Variants in H1-8 observed in about 807,000 individuals in gnomAD.
The protein encoded by H1-8 is histone H1.8.
In H1-8, 13 loss-of-function variants were observed where a neutral mutation model predicts 19.5. That is an observed-to-expected ratio of 0.67 (90% CI 0.43 to 1.06). The LOEUF (loss-of-function observed/expected upper bound fraction) is 1.06. H1-8 is among the 50% of genes least tolerant of loss of function. H1-8 has a pLI of 0.00. For missense variants in H1-8, 432 were observed against 459.8 expected, an observed-to-expected ratio of 0.94 and a Z score of 0.55; for synonymous variants, 193 against 187.6, an observed-to-expected ratio of 1.03 and a Z score of -0.24.
intron 1 of H1-8, among the ~76,000 whole-genome samples, chr3:129,545,024 T>G (rs80301648): frequency 1.2e-4 from 18 of 149,352 alleles, no homozygotes; most frequent in Non-Finnish European, 1.9e-4. Flanking sequence ...AGTTTCATGG[T>G]TTTTTTTTTC....
At chr3:129,545,700 T>C (rs540117849) in intron 1 of H1-8, among the ~76,000 whole-genome samples, 1 of 152,358 alleles carries the variant, frequency 6.6e-6, no homozygotes, top group African/African-American at 2.4e-5. Context: ...TGGCTTTTTC[T>C]GACTGCCTTT....
rs34805704 is a variant in H1-8, at chr3:129,550,779, G to T, written c.777G>T (p.Glu259Asp). Residue 259 changes from glutamate to aspartate, a missense_variant, in exon 4 of 5, where the codon GAG becomes GAT. Glu to Asp is a conservative substitution (Grantham distance 45, BLOSUM62 2). Transcript: ENST00000324382. Reference sequence around the variant, plus strand: ...AGGCCTACAGGAAAACCAAAGCTGAGAGTAAGAGTTCAAAACCCACGGCCA... The same window carrying T: ...AGGCCTACAGGAAAACCAAAGCTGATAGTAAGAGTTCAAAACCCACGGCCA... ...DAEAYRKTKAESKSSKPTASK... is the reference protein window; with the variant it reads ...DAEAYRKTKADSKSSKPTASK... 51 of 1,613,962 alleles carry T rather than the reference G, an allele frequency of 3.2e-5. No homozygotes were observed. The highest frequency in any genetic ancestry group is 4.1e-5 in the Non-Finnish European group (48 of 1,179,988).
intron 2 of H1-8, chr3:129,548,602 G>C (rs536726091): frequency 2.7e-6 from 2 of 731,898 alleles, no homozygotes; most frequent in East Asian, 2.3e-4. Context: ...AAGATGAGAA[G>C]ACGTGGCTGT....
At position 129,547,425 on chromosome 3, in the gene H1-8, G is replaced by A. The variant is rs902189828; in HGVS notation, c.123G>A (p.Pro41=). ...PSHGGVPPGG[P]SHSSLPVGRR... is the part of the protein sequence containing the mutation. ...ACGGCGGTGTCCCACCAGGAGGCCC[G>A]AGCCACAGCAGCCTCCCGGTGGGAC... Residue 41 remains proline (P), a synonymous_variant, in exon 2 of 5, where the codon CCG becomes CCA. Coordinates refer to ENST00000324382, the MANE Select transcript of H1-8 (RefSeq NM_153833.3). The A allele has an allele frequency of 2.9e-6, 4 of 1,399,696 alleles. No homozygotes were observed. The highest frequency in any genetic ancestry group is 1.5e-5 in the African/African-American group (1 of 66,662). The allele number at this position is 1,399,696 out of a possible 1,614,324, so 86.7% of individuals were successfully genotyped here. A position where few individuals can be genotyped will look rare whatever the true frequency, so the allele number is the denominator to read the frequency against.
chr3:129,548,101 C>T (rs2084904048), intron 2 of H1-8, among the ~76,000 whole-genome samples: 1 of 152,232 alleles, frequency 6.6e-6, no homozygotes, highest in Non-Finnish European at 1.5e-5. Context: ...CATGCCAGGT[C>T]ACTCAGAGCT....
intron 2 of H1-8, chr3:129,548,571 C>A: frequency 1.2e-6 from 1 of 864,988 alleles, no homozygotes; most frequent in Non-Finnish European, 1.4e-6. Context: ...CGCTCACAGC[C>A]TTGGTGATTG....
chr3:129,547,191 G>A (rs1257451555), intron 1 of H1-8, among the ~76,000 whole-genome samples, 200 bp from the exon 2 acceptor site: 3 of 152,184 alleles, frequency 2.0e-5, no homozygotes, highest in Admixed American at 6.5e-5. Flanking sequence ...GAGAGACAGT[G>A]TCTCAAAGAA....
At position 129,551,358 on chromosome 3, in the gene H1-8, G is replaced by C. The variant is rs1446688951; in HGVS notation, c.*18G>C. ...AAGCTTAGGGCCAGAGGCAGGGGCGGAGAGAGACCGAGCCTCTGCCCTAGT... is the reference window on the plus strand; with the variant it reads ...AAGCTTAGGGCCAGAGGCAGGGGCGCAGAGAGACCGAGCCTCTGCCCTAGT... On this transcript the variant is annotated 3_prime_UTR_variant, in exon 5 of 5. Coordinates refer to ENST00000324382, the MANE Select transcript of H1-8 (RefSeq NM_153833.3). 2.0e-6 allele frequency: 3 copies of C among 1,515,084 alleles called. No homozygotes were observed. The Admixed American group carries it at 5.4e-5, about 27-fold the overall frequency. The allele number at this position is 1,515,084 out of a possible 1,614,324, so 93.9% of individuals were successfully genotyped here. A position where few individuals can be genotyped will look rare whatever the true frequency, so the allele number is the denominator to read the frequency against.
At chr3:129,547,975 T>C (rs912277618) in intron 2 of H1-8, among the ~76,000 whole-genome samples, 1 of 152,198 alleles carries the variant, frequency 6.6e-6, no homozygotes. Flanking sequence ...AGCCCCTTCC[T>C]GGAATTCCTC....
chr3:129,547,140 T>TA (rs1223287621), intron 1 of H1-8, among the ~76,000 whole-genome samples: 3 of 152,050 alleles, frequency 2.0e-5, no homozygotes, highest in African/African-American at 7.2e-5. Context: ...GAGGTTGCAG[T>TA]GAGCTGAGAT....
intron 2 of H1-8, among the ~76,000 whole-genome samples, 199 bp downstream of exon 2, chr3:129,547,879 G>A (rs2084902553): frequency 6.6e-6 from 1 of 152,234 alleles, no homozygotes; most frequent in Admixed American, 6.5e-5. Context: ...GAGTCACCCT[G>A]TTGGTGTCCA....
chr3:129,546,247 T>C (rs573510921), intron 1 of H1-8, among the ~76,000 whole-genome samples: 33 of 152,142 alleles, frequency 2.2e-4, no homozygotes, highest in African/African-American at 7.7e-4. Context: ...TCACTTGAGC[T>C]GGAGAGGTCA....
intron 1 of H1-8, among the ~76,000 whole-genome samples, chr3:129,546,828 C>T (rs867859841): frequency 1.3e-4 from 20 of 152,264 alleles, no homozygotes; most frequent in African/African-American, 4.8e-4. Flanking sequence ...CACATAGCCC[C>T]CGGAGGTCCT....
chr3:129,547,464 G>A lies in H1-8; in HGVS notation c.162G>A (p.Pro54=), dbSNP rs775959111. The change falls in exon 2 of 5, where the codon CCG becomes CCA. Residue 54 remains proline (P), a synonymous_variant. Coordinates refer to ENST00000324382, the MANE Select transcript of H1-8 (RefSeq NM_153833.3). Reference sequence around the variant, plus strand: ...TCCCGGTGGGACGCCGCCACCCCCCGGTGCTACGCATGGTGCTGGAGGCGC... The same window carrying A: ...TCCCGGTGGGACGCCGCCACCCCCCAGTGCTACGCATGGTGCTGGAGGCGC... ...SSLPVGRRHP[P]VLRMVLEALQ... 15 of 1,403,280 alleles carry A rather than the reference G, an allele frequency of 1.1e-5. No individual in the cohort carries two copies. The Admixed American group carries it at 2.0e-4, about 18-fold the overall frequency. 86.9% of individuals were successfully genotyped at this position (1,403,280 alleles called of 1,614,324 possible). A position where few individuals can be genotyped will look rare whatever the true frequency, so the allele number is the denominator to read the frequency against.
At position 129,548,863 on chromosome 3, in the gene H1-8, C is replaced by T. The variant is rs947482631; in HGVS notation, c.379-138C>T. The T allele has an allele frequency of 2.8e-4, 333 of 1,173,968 alleles. 1 individual carries two copies. Among genetic ancestry groups the T allele is most frequent in the Admixed American group, 5.1e-4 (18 of 35,052 alleles). The allele number at this position is 1,173,968 out of a possible 1,614,324, so 72.7% of individuals were successfully genotyped here. On this transcript the variant is annotated intron_variant, in intron 2 of 4. Transcript: ENST00000324382. The stretch of plus-strand genomic sequence containing the variant: ...ACAGTGCCTCCAAGGACAGTGGCTT[C>T]GTGCCTTCTCCCTGCCTCTCACTGC...
chr3:129,550,915 A>G (rs2084927914), intron 4 of H1-8, 106 bp downstream of exon 4: 1 of 1,110,736 alleles, frequency 9.0e-7, no homozygotes, highest in Non-Finnish European at 1.3e-6. Context: ...GATGGGGCTC[A>G]ATTTCTTTTC....
chr3:129,547,370 T>C, intron 1 of H1-8, 21 bp from the exon 2 acceptor site: 1 of 1,453,228 alleles, frequency 6.9e-7, no homozygotes, highest in Non-Finnish European at 9.1e-7. Context: ...CCCCGGGTGA[T>C]GGCCTGCCAT....
rs972851435 is a variant in H1-8 at position 129,551,407 on chromosome 3, C to T, written c.*67C>T. On this transcript the variant is annotated 3_prime_UTR_variant, in exon 5 of 5. Coordinates refer to ENST00000324382, the MANE Select transcript of H1-8 (RefSeq NM_153833.3). ...GTTTTTATTCTTCAACTAACCACTG[C>T]TCTATTTATTTCATTGTAAGCTATT... The T allele has an allele frequency of 1.2e-5, 11 of 931,422 alleles. No individual in the cohort carries two copies. The African/African-American group carries it at 1.9e-4, about 16-fold the overall frequency. 57.7% of individuals were successfully genotyped at this position (931,422 alleles called of 1,614,324 possible).
chr3:129,543,845 G>C (rs1397598704), intron 1 of H1-8, among the ~76,000 whole-genome samples: 3 of 152,218 alleles, frequency 2.0e-5, no homozygotes, highest in Non-Finnish European at 4.4e-5. Context: ...GTGTGCTTCA[G>C]TGGCGGTAAT....
Sources: allele counts gnomAD v4.1 joint callset (sites outside exome capture counted in the v4.1 genomes callset), GRCh38; gene constraint gnomAD v4.1.1; transcripts MANE v1.5; gene names NCBI Gene and HGNC (gene_info 2026-07-23, HGNC 2026-07-21).